FTO: variants seen among roughly 807,000 people sequenced by gnomAD.
FTO encodes FTO alpha-ketoglutarate dependent dioxygenase, also known as alpha-ketoglutarate-dependent dioxygenase FTO.
A neutral mutation model predicts 63.9 loss-of-function variants in FTO; 47 were observed. The ratio of observed to expected loss-of-function variants is 0.74; its 90% CI spans 0.58 to 0.94. The LOEUF is 0.94. FTO is among the 40% of genes least tolerant of loss of function. FTO has a pLI of 0.00. For missense variants in FTO, 562 were observed against 618.1 expected (o/e 0.91, Z 0.96); for synonymous variants, 207 against 224.4 (o/e 0.92, Z 0.69).
chr16:53,780,482 G>T (rs968330813), intron 1 of FTO, among the ~76,000 whole-genome samples: 5 of 151,990 alleles, frequency 3.3e-5, no homozygotes, highest in African/African-American at 1.2e-4. Flanking sequence ...TTGTTGCCCA[G>T]GCTGGAGTGC....
intron 5 of FTO, among the ~76,000 whole-genome samples, chr16:53,878,671 CTT>C (rs758013828): frequency 9.9e-5 from 15 of 152,158 alleles, no homozygotes; most frequent in Non-Finnish European, 1.3e-4. Context: ...TTATAGCTGA[CTT>C]TTTATTATTC....
At chr16:53,796,072 G>A (rs1451382681) in intron 1 of FTO, among the ~76,000 whole-genome samples, 3 of 140,670 alleles carry the variant, frequency 2.1e-5, no homozygotes, top group Non-Finnish European at 4.5e-5. Flanking sequence ...TTTTGGAGAC[G>A]GAGTCTCACT....
intron 8 of FTO, among the ~76,000 whole-genome samples, chr16:53,940,481 T>C (rs2082502429): frequency 6.6e-6 from 1 of 152,216 alleles, no homozygotes; most frequent in Non-Finnish European, 1.5e-5. Context: ...GTGGCCCCAC[T>C]TATTTTTTTC....
At position 53,704,240 on chromosome 16, in the gene FTO, C is replaced by T; in HGVS notation, c.45+11C>T. On this transcript the variant is annotated intron_variant, in intron 1 of 8. Coordinates refer to ENST00000471389, the MANE Select transcript of FTO (RefSeq NM_001080432.3). Reference sequence around the variant, plus strand: ...GAGCGCGAAGCTAAGGTATGTCGGGCTCCCGGGGCCTGGAGATCTTCGTGC... The same window carrying T: ...GAGCGCGAAGCTAAGGTATGTCGGGTTCCCGGGGCCTGGAGATCTTCGTGC... 6.4e-7 allele frequency: 1 copy of T among 1,551,286 alleles called. No homozygotes were observed. The highest frequency in any genetic ancestry group is 8.7e-7 in the Non-Finnish European group (1 of 1,146,666).
At chr16:54,056,233 C>A (rs1475529925) in intron 8 of FTO, among the ~76,000 whole-genome samples, 2 of 152,180 alleles carry the variant, frequency 1.3e-5, no homozygotes, top group African/African-American at 4.8e-5. Flanking sequence ...CACTGCTGTC[C>A]CTTAGGTAAG....
intron 1 of FTO, chr16:53,711,589 C>G: frequency 5.0e-6 from 2 of 396,366 alleles, no homozygotes; most frequent in Non-Finnish European, 8.9e-6. Flanking sequence ...TTATGAGAGG[C>G]CTGGGATTCC....
chr16:54,055,490 G>A (rs1157231062), intron 8 of FTO, among the ~76,000 whole-genome samples: 1 of 152,172 alleles, frequency 6.6e-6, no homozygotes, highest in East Asian at 1.9e-4. Flanking sequence ...TGCAATTAGT[G>A]TTGAAACACT....
At chr16:53,933,936 T>A (rs1311548826) in intron 7 of FTO, 49 bp from the exon 8 acceptor site, 1 of 1,581,520 alleles carries the variant, frequency 6.3e-7, no homozygotes, top group Non-Finnish European at 8.6e-7. Context: ...CTTTTTTTTA[T>A]TATTAATTTT....
intron 1 of FTO, among the ~76,000 whole-genome samples, chr16:53,792,088 A>AGT (rs1567990356): frequency 2.7e-5 from 4 of 150,162 alleles, no homozygotes. Flanking sequence ...AAAAAAAAAA[A>AGT]AAAAATAAAA....
chr16:53,863,584 T>C (rs930106039), intron 4 of FTO, among the ~76,000 whole-genome samples: 1 of 152,200 alleles, frequency 6.6e-6, no homozygotes, highest in Admixed American at 6.5e-5. Context: ...CTGCAATGCC[T>C]GGTACTCAGA....
At chr16:53,741,543 T>A (rs1443459185) in intron 1 of FTO, among the ~76,000 whole-genome samples, 1 of 152,192 alleles carries the variant, frequency 6.6e-6, no homozygotes, top group Non-Finnish European at 1.5e-5. Context: ...GAATTAAAAT[T>A]GATTTTAATT....
At chr16:53,707,583 C>T (rs961755715) in intron 1 of FTO, among the ~76,000 whole-genome samples, 1 of 152,152 alleles carries the variant, frequency 6.6e-6, no homozygotes, top group Non-Finnish European at 1.5e-5. Context: ...GAGAGTTCTA[C>T]TTGTTTCATA....
At chr16:53,936,142 A>G (rs1177144432) in intron 8 of FTO, among the ~76,000 whole-genome samples, 1 of 152,236 alleles carries the variant, frequency 6.6e-6, no homozygotes, top group Non-Finnish European at 1.5e-5. Context: ...ACTGCTAACA[A>G]TTTAATCAGG....
intron 8 of FTO, among the ~76,000 whole-genome samples, chr16:54,002,887 A>G (rs998699150): frequency 1.3e-5 from 2 of 152,220 alleles, no homozygotes; most frequent in Admixed American, 1.3e-4. Flanking sequence ...GAATTACCCT[A>G]AAAAGCACAG....
At chr16:54,031,426 G>T (rs1383489486) in intron 8 of FTO, among the ~76,000 whole-genome samples, 1 of 152,126 alleles carries the variant, frequency 6.6e-6, no homozygotes, top group East Asian at 1.9e-4. Context: ...GGTTATTAAG[G>T]AAATTTGGTG....
intron 7 of FTO, among the ~76,000 whole-genome samples, chr16:53,931,892 A>ACACC (rs1318372292): frequency 1.3e-5 from 2 of 151,682 alleles, no homozygotes; most frequent in African/African-American, 4.9e-5. Context: ...ACACACACAC[A>ACACC]CACACACACA....
In FTO at chr16:53,888,947, G is replaced by T. The variant is rs2081078921; in HGVS notation, c.1235G>T (p.Gly412Val). The T allele has an allele frequency of 6.2e-7, 1 of 1,614,046 alleles. No homozygotes were observed. Among genetic ancestry groups the T allele is most frequent in the East Asian group, 2.2e-5 (1 of 44,880 alleles). ...QLEALWKKMEGVTNAVLHEVK... is the reference protein window; with the variant it reads ...QLEALWKKMEVVTNAVLHEVK... ...GAAGCACTGTGGAAGAAGATGGAGG[G>T]TGTGGTAAGTCCATCAGACCTGGGA... Residue 412 changes from glycine to valine, a missense_variant, in exon 7 of 9, where the codon GGT (glycine) becomes GTT (valine). By Grantham distance (109) the Gly-to-Val change is moderately radical. Transcript: ENST00000471389.
chr16:54,014,607 A>G (rs1220203913), intron 8 of FTO, among the ~76,000 whole-genome samples: 2 of 152,072 alleles, frequency 1.3e-5, no homozygotes, highest in African/African-American at 2.4e-5. Flanking sequence ...CAGACAGTCT[A>G]GGACACCCCC....
chr16:54,110,520 A>G (rs913179015), intron 8 of FTO, among the ~76,000 whole-genome samples: 2 of 152,126 alleles, frequency 1.3e-5, no homozygotes, highest in Admixed American at 6.5e-5. Context: ...AATTAACCAC[A>G]CTCGAAAATA....
Sources: allele counts gnomAD v4.1 joint callset (sites outside exome capture counted in the v4.1 genomes callset), GRCh38; gene constraint gnomAD v4.1.1; transcripts MANE v1.5; gene names NCBI Gene and HGNC (gene_info 2026-07-23, HGNC 2026-07-21).